SGCZ: variants seen among roughly 807,000 people sequenced by gnomAD.
The protein encoded by SGCZ is sarcoglycan zeta, also known as zeta-sarcoglycan.
Under a neutral mutation model 41.3 loss-of-function variants are expected in SGCZ, and 40 were observed. The ratio of observed to expected loss-of-function variants is 0.97; its 90% CI spans 0.75 to 1.26. The LOEUF (loss-of-function observed/expected upper bound fraction) is 1.26, where lower values mean the gene tolerates loss of function less well. Among genes scored for constraint, SGCZ ranks in the 50% most tolerant of loss-of-function variants. The pLI is 0.00. For synonymous variants in SGCZ, 206 were observed against 137.5 expected (o/e 1.50, Z -3.49); for missense variants, 552 against 369.8 (o/e 1.49, Z -4.04).
chr8:14,104,377 T>C (rs1210692569), intron 6 of SGCZ, among the ~76,000 whole-genome samples: 16 of 151,910 alleles, frequency 1.1e-4, no homozygotes, highest in Admixed American at 1.0e-3. Flanking sequence ...GGTGTTTATG[T>C]ATCAAAGTTG....
intron 1 of SGCZ, among the ~76,000 whole-genome samples, chr8:14,833,344 C>T (rs1309310156): frequency 6.6e-6 from 1 of 152,074 alleles, no homozygotes; most frequent in Non-Finnish European, 1.5e-5. Context: ...CATCTAAGCG[C>T]ACTGAAATTC....
intron 1 of SGCZ, among the ~76,000 whole-genome samples, chr8:14,827,229 T>G (rs536104537): frequency 6.8e-6 from 1 of 146,262 alleles, no homozygotes; most frequent in African/African-American, 2.5e-5. Flanking sequence ...ACATTTTCTT[T>G]TCTTTTCTTT....
At chr8:15,054,354 G>A (rs139841791) in intron 1 of SGCZ, among the ~76,000 whole-genome samples, 57 of 152,074 alleles carry the variant, frequency 3.7e-4, no homozygotes, top group African/African-American at 1.3e-3. Flanking sequence ...CCTAAATATC[G>A]CTCAGGCAGA....
intron 5 of SGCZ, among the ~76,000 whole-genome samples, chr8:14,131,779 T>C (rs551203959): frequency 3.3e-5 from 5 of 152,302 alleles, no homozygotes; most frequent in African/African-American, 1.2e-4. Context: ...TCCCTTAATA[T>C]TGTATTTTTA....
chr8:14,926,246 T>A (rs978948363), intron 1 of SGCZ, among the ~76,000 whole-genome samples: 1 of 152,172 alleles, frequency 6.6e-6, no homozygotes, highest in African/African-American at 2.4e-5. Flanking sequence ...TTGGACAATT[T>A]TATATAAAAT....
intron 1 of SGCZ, among the ~76,000 whole-genome samples, chr8:14,594,089 T>G (rs572917143): frequency 1.3e-5 from 2 of 151,772 alleles, no homozygotes; most frequent in Admixed American, 1.3e-4. Flanking sequence ...GTGGGAGAAT[T>G]GCTTCAGCCC....
chr8:14,520,693 G>T (rs1036120186), intron 2 of SGCZ, among the ~76,000 whole-genome samples: 4 of 152,068 alleles, frequency 2.6e-5, no homozygotes, highest in Non-Finnish European at 5.9e-5. Flanking sequence ...AGAACTCAGA[G>T]TATGCATAAT....
intron 1 of SGCZ, among the ~76,000 whole-genome samples, chr8:14,711,435 C>CAAAAAAAAA (rs543412312): frequency 9.7e-6 from 1 of 102,976 alleles, no homozygotes; most frequent in Non-Finnish European, 2.0e-5. Context: ...ACTAAAAATA[C>CAAAAAAAAA]AAAAAAAAAA....
chr8:14,539,237 G>A (rs1358511573), intron 2 of SGCZ, among the ~76,000 whole-genome samples: 1 of 151,926 alleles, frequency 6.6e-6, no homozygotes, highest in Non-Finnish European at 1.5e-5. Flanking sequence ...GAAGATTTGG[G>A]ACTTTTCAGC....
intron 1 of SGCZ, among the ~76,000 whole-genome samples, chr8:14,595,572 C>T (rs902983608): frequency 5.3e-5 from 8 of 152,144 alleles, no homozygotes; most frequent in African/African-American, 1.9e-4. Context: ...CTCAGAACTC[C>T]TACTAGCAGC....
chr8:14,397,124 T>C (rs1476879967), intron 2 of SGCZ, among the ~76,000 whole-genome samples: 1 of 152,144 alleles, frequency 6.6e-6, no homozygotes, highest in Non-Finnish European at 1.5e-5. Context: ...TCTTTGTGCT[T>C]TGCTGTTTTC....
intron 1 of SGCZ, among the ~76,000 whole-genome samples, chr8:14,966,917 T>C (rs1255484329): frequency 1.3e-5 from 2 of 152,172 alleles, no homozygotes; most frequent in Non-Finnish European, 2.9e-5. Flanking sequence ...TATTTGAATT[T>C]GGGGAGGGGA....
intron 3 of SGCZ, among the ~76,000 whole-genome samples, chr8:14,311,077 A>AT (rs550134837): frequency 1.3e-5 from 2 of 151,936 alleles, no homozygotes. Flanking sequence ...TTTATAAATA[A>AT]TTTTTTTTCT....
intron 2 of SGCZ, among the ~76,000 whole-genome samples, chr8:14,538,563 T>C (rs1436933650): frequency 6.6e-6 from 1 of 151,998 alleles, no homozygotes; most frequent in African/African-American, 2.4e-5. Context: ...AAATAGCTGA[T>C]ATACTTTCTA....
chr8:15,221,459 C>A (rs552628338), intron 1 of SGCZ, among the ~76,000 whole-genome samples: 1 of 152,298 alleles, frequency 6.6e-6, no homozygotes, highest in Admixed American at 6.5e-5. Context: ...GTGTACCGCA[C>A]TTGGTGAACT....
Position 14,515,244 on chromosome 8 carries a change from G to C in SGCZ, c.234+39488C>G, listed in dbSNP as rs527268563. Among the ~76,000 whole-genome samples the C allele has an allele frequency of 6.6e-5, 10 of 152,120 alleles. No individual in the cohort carries two copies. The South Asian group carries it at 1.7e-3, about 25-fold the overall frequency. ...TACATGTATCCAGGGCAACTGGATG[G>C]TTTCTGCACTCACTGACTTATTTAA... On this transcript the variant is annotated intron_variant, in intron 2 of 7. Transcript: ENST00000382080.
At chr8:14,849,500 A>G (rs1210106211) in intron 1 of SGCZ, among the ~76,000 whole-genome samples, 3 of 152,216 alleles carry the variant, frequency 2.0e-5, no homozygotes, top group Non-Finnish European at 2.9e-5. Flanking sequence ...ATTGATATAT[A>G]CTACAACATG....
At chr8:14,698,615 A>G (rs1348212) in intron 1 of SGCZ, among the ~76,000 whole-genome samples, 151,586 of 152,026 alleles carry the variant, frequency 1, 75,575 homozygotes, top group Middle Eastern at 1. Flanking sequence ...TGTTTTCTGC[A>G]TTTAGCATAT....
At chr8:14,457,434 G>A (rs1360830120) in intron 2 of SGCZ, among the ~76,000 whole-genome samples, 2 of 151,910 alleles carry the variant, frequency 1.3e-5, no homozygotes, top group South Asian at 2.1e-4. Context: ...CGGGAAAAGA[G>A]GGGGTCTCCC....
Sources: allele counts gnomAD v4.1 joint callset (sites outside exome capture counted in the v4.1 genomes callset), GRCh38; gene constraint gnomAD v4.1.1; transcripts MANE v1.5; gene names NCBI Gene and HGNC (gene_info 2026-07-23, HGNC 2026-07-21).